ZNF207: variants seen among roughly 807,000 people sequenced by gnomAD.
ZNF207 encodes the protein BUB3-interacting and GLEBS motif-containing protein ZNF207.
A neutral mutation model predicts 60.2 loss-of-function variants in ZNF207; 24 were observed. The observed-to-expected ratio is 0.40, with a 90% confidence interval of 0.29 to 0.56. ZNF207 has a LOEUF of 0.56. Among genes scored for constraint, ZNF207 ranks in the 20% least tolerant of loss-of-function variants. The pLI is 0.49. For missense variants in ZNF207, 452 were observed against 636.6 expected (o/e 0.71, Z 3.12); for synonymous variants, 236 against 194.7 (o/e 1.21, Z -1.77).
chr17:32,370,284 C>G lies in ZNF207; in HGVS notation c.*525C>G, dbSNP rs1473464273. On this transcript the variant is annotated 3_prime_UTR_variant, in exon 12 of 12. Coordinates refer to ENST00000394670, the MANE Select transcript of ZNF207 (RefSeq NM_001098507.2). ...GCAGGGTTTAAGAAATCTGACCCAC[C>G]AAGGTCATGTGACTTTTCTGTACTG... 6.6e-6 allele frequency: 1 copy of G among 152,638 alleles called. No individual in the cohort carries two copies. Among genetic ancestry groups the G allele is most frequent in the African/African-American group, 2.4e-5 (1 of 41,436 alleles). The allele number at this position is 152,638 out of a possible 1,614,324, so 9.5% of individuals were successfully genotyped here.
Position 32,368,171 on chromosome 17 carries a change from A to G in ZNF207, c.1164+157A>G, listed in dbSNP as rs148991622. The G allele has an allele frequency of 1.7e-3, 1,788 of 1,060,036 alleles. 21 individuals carry two copies. In the African/African-American group the frequency reaches 0.024, roughly 14 times the overall value. The allele number at this position is 1,060,036 out of a possible 1,614,324, so 65.7% of individuals were successfully genotyped here. A position where few individuals can be genotyped will look rare whatever the true frequency, so the allele number is the denominator to read the frequency against. Reference sequence around the variant, plus strand: ...GCCATTCTGATTCTTAAGAAATCATAAAATACTTAAAGTGGACAGATATTG... The same window carrying G: ...GCCATTCTGATTCTTAAGAAATCATGAAATACTTAAAGTGGACAGATATTG... On this transcript the variant is annotated intron_variant, in intron 10 of 11. Coordinates refer to ENST00000394670, the MANE Select transcript of ZNF207 (RefSeq NM_001098507.2).
rs921659180 is a variant in ZNF207, at chr17:32,376,859, G to C, written c.*7100G>C. The C allele has an allele frequency of 2.0e-5, 3 of 151,984 alleles. No individual in the cohort carries two copies. The highest frequency in any genetic ancestry group is 7.2e-5 in the African/African-American group (3 of 41,416). 9.4% of individuals were successfully genotyped at this position (151,984 alleles called of 1,614,324 possible). A position where few individuals can be genotyped will look rare whatever the true frequency, so the allele number is the denominator to read the frequency against. On this transcript the variant is annotated 3_prime_UTR_variant, in exon 12 of 12. Coordinates refer to ENST00000394670, the MANE Select transcript of ZNF207 (RefSeq NM_001098507.2). ...ACCCATTAATTCTAAATGATGTAATGGTCTATAAGGTAGTAATCTGGCACA... is the reference window on the plus strand; with the variant it reads ...ACCCATTAATTCTAAATGATGTAATCGTCTATAAGGTAGTAATCTGGCACA...
Position 32,369,932 on chromosome 17 carries a change from A to C in ZNF207, c.*173A>C. On this transcript the variant is annotated 3_prime_UTR_variant, in exon 12 of 12. Transcript: ENST00000394670. The stretch of plus-strand genomic sequence containing the variant: ...TTACATGGGAAAAATTATTTGGAAT[A>C]ATAAAGCAGGAACTTTTCCTGAAGT... The C allele has an allele frequency of 1.3e-6, 1 of 748,570 alleles. No homozygotes were observed. The highest frequency in any genetic ancestry group is 1.8e-6 in the Non-Finnish European group (1 of 543,782). 46.4% of individuals were successfully genotyped at this position (748,570 alleles called of 1,614,324 possible). A position where few individuals can be genotyped will look rare whatever the true frequency, so the allele number is the denominator to read the frequency against.
intron 5 of ZNF207, 37 bp downstream of exon 5, chr17:32,361,004 C>T: frequency 6.3e-7 from 1 of 1,593,162 alleles, no homozygotes. Context: ...TAGGCTTGTG[C>T]CTAGTAATGA....
intron 3 of ZNF207, among the ~76,000 whole-genome samples, chr17:32,360,113 C>G (rs1321061245): frequency 6.8e-6 from 1 of 147,528 alleles, no homozygotes. Context: ...CCTATAATTT[C>G]AGTGCTTTAG....
chr17:32,380,750 A>C lies in ZNF207; in HGVS notation c.*10991A>C, dbSNP rs964098305. ...GGCGGGTGGATCTCCTGAGGTCAGG[A>C]GTTTGAGACCAGCCTGGCCAACATA... On this transcript the variant is annotated 3_prime_UTR_variant, in exon 12 of 12. Transcript: ENST00000394670. 3 of 152,246 alleles carry C rather than the reference A, an allele frequency of 2.0e-5. No homozygotes were observed. In the East Asian group the frequency reaches 5.8e-4, roughly 29 times the overall value. The allele number at this position is 152,246 out of a possible 1,614,324, so 9.4% of individuals were successfully genotyped here. A position where few individuals can be genotyped will look rare whatever the true frequency, so the allele number is the denominator to read the frequency against.
intron 3 of ZNF207, among the ~76,000 whole-genome samples, chr17:32,359,787 A>G (rs989128865): frequency 2.6e-5 from 4 of 151,918 alleles, no homozygotes; most frequent in African/African-American, 9.7e-5. Context: ...GCACATGCCT[A>G]TAGTCTAAGC....
rs1224330655 is a variant in ZNF207 at position 32,370,413 on chromosome 17, A to G, written c.*654A>G. Reference sequence around the variant, plus strand: ...GGTTTGTACAGATGCATGCCACAGTAGATGTCCACATAATAAAATTCATAG... The same window carrying G: ...GGTTTGTACAGATGCATGCCACAGTGGATGTCCACATAATAAAATTCATAG... On this transcript the variant is annotated 3_prime_UTR_variant, in exon 12 of 12. Transcript: ENST00000394670. 6.6e-6 allele frequency: 1 copy of G among 152,666 alleles called. No homozygotes were observed. Among genetic ancestry groups the G allele is most frequent in the African/African-American group, 2.4e-5 (1 of 41,468 alleles). 9.5% of individuals were successfully genotyped at this position (152,666 alleles called of 1,614,324 possible).
chr17:32,367,701 A>C, intron 9 of ZNF207, 71 bp from the exon 10 acceptor site: 1 of 1,562,116 alleles, frequency 6.4e-7, no homozygotes. Flanking sequence ...GCCTTGTTTT[A>C]AGTTAAACTG....
rs1905723944 is a variant in ZNF207, at chr17:32,377,681, C to T, written c.*7922C>T. 1 of 151,492 alleles carries T rather than the reference C, an allele frequency of 6.6e-6. No homozygotes were observed. The allele number at this position is 151,492 out of a possible 1,614,324, so 9.4% of individuals were successfully genotyped here. A position where few individuals can be genotyped will look rare whatever the true frequency, so the allele number is the denominator to read the frequency against. On this transcript the variant is annotated 3_prime_UTR_variant, in exon 12 of 12. Transcript: ENST00000394670. ...TTTAGAGTAATCAAAATTTCTATCA[C>T]AGTTCACATACTGGAATACATAGTA...
Position 32,368,193 on chromosome 17 carries a change from A to G in ZNF207, c.1164+179A>G, listed in dbSNP as rs977423392. On this transcript the variant is annotated intron_variant, in intron 10 of 11. Coordinates refer to ENST00000394670, the MANE Select transcript of ZNF207 (RefSeq NM_001098507.2). ...CATAAAATACTTAAAGTGGACAGATATTGCATGTTTTGGTCTTAGATGGTT... is the reference window on the plus strand; with the variant it reads ...CATAAAATACTTAAAGTGGACAGATGTTGCATGTTTTGGTCTTAGATGGTT... 13 of 907,982 alleles carry G rather than the reference A, an allele frequency of 1.4e-5. No homozygotes were observed. The African/African-American group carries it at 2.2e-4, about 15-fold the overall frequency. 56.2% of individuals were successfully genotyped at this position (907,982 alleles called of 1,614,324 possible).
rs545770823 is a variant in ZNF207, at chr17:32,375,531, T to C, written c.*5772T>C. 1 of 152,204 alleles carries C rather than the reference T, an allele frequency of 6.6e-6. No homozygotes were observed. Among genetic ancestry groups the C allele is most frequent in the African/African-American group, 2.4e-5 (1 of 41,554 alleles). 9.4% of individuals were successfully genotyped at this position (152,204 alleles called of 1,614,324 possible). ...TAGTTCCTTTTTTTTTGTAGTTCTG[T>C]GACTCAGACAAATAAGATTTTGAGA... On this transcript the variant is annotated 3_prime_UTR_variant, in exon 12 of 12. Transcript: ENST00000394670.
At position 32,375,683 on chromosome 17, in the gene ZNF207, C is replaced by G. The variant is rs1905651893; in HGVS notation, c.*5924C>G. Reference sequence around the variant, plus strand: ...ATAAGCTGATGAAAATAGACATGTACCCTAGAAGTAGATACTCTAAAATTA... The same window carrying G: ...ATAAGCTGATGAAAATAGACATGTAGCCTAGAAGTAGATACTCTAAAATTA... On this transcript the variant is annotated 3_prime_UTR_variant, in exon 12 of 12. Coordinates refer to ENST00000394670, the MANE Select transcript of ZNF207 (RefSeq NM_001098507.2). 1 of 152,018 alleles carries G rather than the reference C, an allele frequency of 6.6e-6. No individual in the cohort carries two copies. Among genetic ancestry groups the G allele is most frequent in the African/African-American group, 2.4e-5 (1 of 41,404 alleles). 9.4% of individuals were successfully genotyped at this position (152,018 alleles called of 1,614,324 possible).
rs1904821610 is a variant in ZNF207, at chr17:32,360,620, AGATGATTCT to A, written c.336_344del (p.Asp112_Asp114del). 6.2e-7 allele frequency: 1 copy of A among 1,605,198 alleles called. No homozygotes were observed. Among genetic ancestry groups the A allele is most frequent in the African/African-American group, 1.3e-5 (1 of 74,458 alleles). Reference sequence around the variant, plus strand: ...CAGAAAGTCAAAAAAAGAAGCAACAAGATGATTCTGATGAATATGATGATGACGACTCTG... The same window carrying A: ...CAGAAAGTCAAAAAAAGAAGCAACAAGATGAATATGATGATGACGACTCTG... On this transcript the variant is annotated inframe_deletion, in exon 4 of 12. Transcript: ENST00000394670.
chr17:32,364,212 C>T (rs114652414), intron 7 of ZNF207, among the ~76,000 whole-genome samples: 1 of 151,920 alleles, frequency 6.6e-6, no homozygotes, highest in South Asian at 2.1e-4. Context: ...TTCCCAGAAG[C>T]TCTTTAGCTC....
At position 32,357,678 on chromosome 17, in the gene ZNF207, GTC is replaced by G. The variant is rs540899482; in HGVS notation, c.169-820_169-819del. ...TTTTTATTTATTTTTTTTGGAGACA[GTC>G]TCTCAGTATCTGCCCAGGCTGGAGT... On this transcript the variant is annotated intron_variant, in intron 2 of 11. Coordinates refer to ENST00000394670, the MANE Select transcript of ZNF207 (RefSeq NM_001098507.2). 3.1e-3 allele frequency among the ~76,000 whole-genome samples: 468 copies of G among 151,198 alleles called. 3 individuals are homozygous for G. Among genetic ancestry groups the G allele is most frequent in the Non-Finnish European group, 5.9e-3 (401 of 67,826 alleles).
rs1407017134 is a variant in ZNF207, at chr17:32,370,345, A to T, written c.*586A>T. 1 of 152,674 alleles carries T rather than the reference A, an allele frequency of 6.5e-6. No individual in the cohort carries two copies. Among genetic ancestry groups the T allele is most frequent in the Non-Finnish European group, 1.5e-5 (1 of 68,038 alleles). The allele number at this position is 152,674 out of a possible 1,614,324, so 9.5% of individuals were successfully genotyped here. On this transcript the variant is annotated 3_prime_UTR_variant, in exon 12 of 12. Transcript: ENST00000394670. ...TTGTAATAAAATGAGAGAAAAATTT[A>T]TGCCTTTTTATTCATAACCCAGCTG...
Position 32,365,351 on chromosome 17 carries a change from G to A in ZNF207, c.692G>A (p.Arg231His), listed in dbSNP as rs1371434179. Residue 231 changes from arginine to histidine, a missense_variant, in exon 8 of 12, where the codon CGT (arginine) becomes CAT (histidine). By Grantham distance (29) the Arg-to-His change is conservative (BLOSUM62 0). Coordinates refer to ENST00000394670, the MANE Select transcript of ZNF207 (RefSeq NM_001098507.2). ...MPPGMPPPVP[R>H]PGIPPMTQAQ... is the part of the protein sequence containing the mutation. ...GCAGGTATGCCCCCACCTGTTCCAC[G>A]TCCTGGAATTCCTCCAATGACTCAA... 15 of 1,613,600 alleles carry A rather than the reference G, an allele frequency of 9.3e-6. No individual in the cohort carries two copies. The highest frequency in any genetic ancestry group is 2.2e-5 in the East Asian group (1 of 44,876).
chr17:32,359,557 A>G (rs932688555), intron 3 of ZNF207, among the ~76,000 whole-genome samples: 1 of 151,408 alleles, frequency 6.6e-6, no homozygotes, highest in South Asian at 2.1e-4. Flanking sequence ...CCCTTGTGAT[A>G]ATATTCTTTT....
Sources: allele counts gnomAD v4.1 joint callset (sites outside exome capture counted in the v4.1 genomes callset), GRCh38; gene constraint gnomAD v4.1.1; transcripts MANE v1.5; gene names NCBI Gene and HGNC (gene_info 2026-07-23, HGNC 2026-07-21).